The following SAMD3 variants were observed in gnomAD, a reference collection of about 807,000 sequenced individuals.
The protein encoded by SAMD3 is sterile alpha motif domain containing 3, also known as sterile alpha motif domain-containing protein 3.
In SAMD3, 63 loss-of-function variants were observed where a neutral mutation model predicts 58.5. The ratio of observed to expected loss-of-function variants is 1.08; its 90% CI spans 0.88 to 1.33. The LOEUF (loss-of-function observed/expected upper bound fraction) is 1.33, where lower values mean the gene tolerates loss of function less well. Ranked by LOEUF, SAMD3 falls within the 40% of genes most tolerant of loss-of-function variation. The pLI is 0.00. For synonymous variants in SAMD3, 220 were observed against 210.3 expected, an observed-to-expected ratio of 1.05 and a Z score of -0.40; for missense variants, 604 against 608.4, an observed-to-expected ratio of 0.99 and a Z score of 0.08.
chr6:130,213,340 A>G (rs182839206), intron 4 of SAMD3, among the ~76,000 whole-genome samples: 1 of 151,948 alleles, frequency 6.6e-6, no homozygotes, highest in Admixed American at 6.6e-5. Flanking sequence ...AAAATCAATT[A>G]GTAGAATTTC....
At chr6:130,161,708 C>T (rs1171231240) in intron 8 of SAMD3, 1 of 152,256 alleles carries the variant, frequency 6.6e-6, no homozygotes, top group Admixed American at 6.5e-5. Context: ...TCACACTTTA[C>T]TGATGGGCAA....
intron 1 of SAMD3, among the ~76,000 whole-genome samples, chr6:130,326,366 C>CCTTT (rs1444494681): frequency 5.7e-4 from 64 of 113,258 alleles, no homozygotes; most frequent in African/African-American, 2.3e-3. Context: ...AATGCCTGGT[C>CCTTT]ATTTTTTTTT....
chr6:130,239,444 C>T (rs1333353696), intron 2 of SAMD3, among the ~76,000 whole-genome samples: 3 of 152,238 alleles, frequency 2.0e-5, no homozygotes, highest in Admixed American at 6.5e-5. Context: ...TTTAATATTA[C>T]ATCATTAAAG....
At chr6:130,286,961 C>T (rs1455385213) in intron 2 of SAMD3, among the ~76,000 whole-genome samples, 3 of 152,188 alleles carry the variant, frequency 2.0e-5, no homozygotes, top group South Asian at 2.1e-4. Flanking sequence ...CTGCCTGCCT[C>T]GGCCTCCCAA....
chr6:130,358,540 A>G (rs1777898985), intron 1 of SAMD3, among the ~76,000 whole-genome samples: 1 of 152,178 alleles, frequency 6.6e-6, no homozygotes, highest in Non-Finnish European at 1.5e-5. Flanking sequence ...GAGGAGGAAA[A>G]GGGCTTGATG....
At chr6:130,224,322 A>G (rs533667808), upstream of SAMD3, among the ~76,000 whole-genome samples, 26 of 152,080 alleles carry the variant, frequency 1.7e-4, no homozygotes, top group African/African-American at 5.5e-4. Flanking sequence ...TTTGGGCGTG[A>G]AAACAGGAGT....
chr6:130,335,620 T>G (rs548441552), intron 1 of SAMD3, among the ~76,000 whole-genome samples: 2 of 152,206 alleles, frequency 1.3e-5, no homozygotes, highest in Non-Finnish European at 2.9e-5. Context: ...GTAATACAGA[T>G]CTAGAACTAG....
Position 130,334,297 on chromosome 6 carries a change from T to C in SAMD3, c.-303-21204A>G, listed in dbSNP as rs115092914. Reference sequence around the variant, plus strand: ...ATCTCAGTGGAAGATCTTGCAACACTTCTACATAAGCCATGGGCATATTAT... The same window carrying C: ...ATCTCAGTGGAAGATCTTGCAACACCTCTACATAAGCCATGGGCATATTAT... On this transcript the variant is annotated intron_variant, in intron 1 of 13. Coordinates refer to the SAMD3 transcript ENST00000368134. 2.3e-3 allele frequency among the ~76,000 whole-genome samples: 355 copies of C among 152,190 alleles called. 3 individuals carry two copies. Among genetic ancestry groups the C allele is most frequent in the African/African-American group, 8.2e-3 (339 of 41,544 alleles).
chr6:130,182,544 AAAG>A (rs1396823831), intron 7 of SAMD3, among the ~76,000 whole-genome samples: 1 of 151,670 alleles, frequency 6.6e-6, no homozygotes, highest in Non-Finnish European at 1.5e-5. Flanking sequence ...GGAAGGAAGG[AAAG>A]AAGGAAGGAA....
intron 7 of SAMD3, chr6:130,183,229 T>C (rs1792548780): frequency 2.5e-6 from 1 of 397,018 alleles, no homozygotes; most frequent in African/African-American, 2.1e-5. Flanking sequence ...AACCAGAGCT[T>C]AGAACTGCTG....
At chr6:130,196,978 T>C (rs977347281) in intron 5 of SAMD3, among the ~76,000 whole-genome samples, 1 of 152,182 alleles carries the variant, frequency 6.6e-6, no homozygotes, top group Non-Finnish European at 1.5e-5. Flanking sequence ...TTTCAGGCTC[T>C]TAGTATTCAG....
intron 8 of SAMD3, 38 bp downstream of exon 8, chr6:130,175,803 C>T (rs1257423229): frequency 7.5e-7 from 1 of 1,329,790 alleles, no homozygotes; most frequent in African/African-American, 1.5e-5. Flanking sequence ...ATATATCAAT[C>T]TATCAAGTCA....
At chr6:130,186,927 T>C (rs1419322849) in intron 5 of SAMD3, among the ~76,000 whole-genome samples, 5 of 151,944 alleles carry the variant, frequency 3.3e-5, no homozygotes, top group East Asian at 1.9e-4. Flanking sequence ...CATGCCACCG[T>C]GCCTGGCTAA....
intron 1 of SAMD3, among the ~76,000 whole-genome samples, chr6:130,316,002 T>A (rs898654628): frequency 6.6e-6 from 1 of 152,004 alleles, no homozygotes; most frequent in East Asian, 1.9e-4. Context: ...AAGAATGGGA[T>A]ATTAGGGGCC....
At chr6:130,341,869 AC>A (rs1315101832) in intron 1 of SAMD3, among the ~76,000 whole-genome samples, 7 of 152,196 alleles carry the variant, frequency 4.6e-5, no homozygotes, top group African/African-American at 1.7e-4. Context: ...ACCTCTAAAC[AC>A]CTTTGTAAAT....
intron 2 of SAMD3, among the ~76,000 whole-genome samples, chr6:130,238,516 G>C (rs1408067122): frequency 6.6e-6 from 1 of 151,888 alleles, no homozygotes; most frequent in East Asian, 1.9e-4. Context: ...AAAGAAAATT[G>C]TCTCTTGGCA....
chr6:130,293,527 G>GT lies in SAMD3; in HGVS notation c.-188+19450dup, dbSNP rs565529195. On this transcript the variant is annotated intron_variant, in intron 2 of 13. Transcript: ENST00000368134. ...CAGATTACCACCTTTTTGTGACCAT[G>GT]TTTTTTTGTGATAGGTGACAATATC... is the stretch of plus-strand genomic sequence containing the variant. 8.9e-3 allele frequency among the ~76,000 whole-genome samples: 1,357 copies of GT among 151,686 alleles called. 17 individuals are homozygous for GT. Among genetic ancestry groups the GT allele is most frequent in the South Asian group, 0.023 (108 of 4,768 alleles).
At chr6:130,220,295 G>A (rs1796166888) in intron 1 of SAMD3, among the ~76,000 whole-genome samples, 1 of 152,112 alleles carries the variant, frequency 6.6e-6, no homozygotes, top group African/African-American at 2.4e-5. Flanking sequence ...CCACTAGCCT[G>A]GCCAATTTTT....
At position 130,145,970 on chromosome 6, in the gene SAMD3, A is replaced by G. The variant is rs201258994; in HGVS notation, c.1195+40T>C. On this transcript the variant is annotated intron_variant, in intron 10 of 11. Transcript: ENST00000439090. Reference sequence around the variant, plus strand: ...ATAACTTTTCTAGATATTCTGATAAATAACAGATGAAATCACACCACTCCA... The same window carrying G: ...ATAACTTTTCTAGATATTCTGATAAGTAACAGATGAAATCACACCACTCCA... 1,576 of 1,237,024 alleles carry G rather than the reference A, an allele frequency of 1.3e-3. 4 individuals are homozygous for G. The highest frequency in any genetic ancestry group is 1.5e-3 in the South Asian group (52 of 34,544). 76.6% of individuals were successfully genotyped at this position (1,237,024 alleles called of 1,614,324 possible).
Sources: allele counts gnomAD v4.1 joint callset (sites outside exome capture counted in the v4.1 genomes callset), GRCh38; gene constraint gnomAD v4.1.1; transcripts MANE v1.5; gene names NCBI Gene and HGNC (gene_info 2026-07-23, HGNC 2026-07-21).